SYNE1: variants seen among roughly 807,000 people sequenced by gnomAD.
The protein encoded by SYNE1 is spectrin repeat containing nuclear envelope protein 1.
SYNE1 carries 616 observed loss-of-function variants against 1,111.0 expected under a neutral mutation model. The observed-to-expected ratio is 0.55, with a 90% CI of 0.52 to 0.59. The LOEUF is 0.59. Among genes scored for constraint, SYNE1 ranks in the 20% least tolerant of loss-of-function variants. The pLI, the probability that SYNE1 is intolerant of heterozygous loss-of-function variation, is 0.00. For synonymous variants in SYNE1, 3,855 were observed against 3,825.8 expected (o/e 1.01, Z -0.28); for missense variants, 10,006 against 10,417.0 (o/e 0.96, Z 1.72).
rs1025523757 is a variant in SYNE1 at position 152,442,151 on chromosome 6, T to C, written c.3932A>G (p.His1311Arg). 4 of 1,613,952 alleles carry C rather than the reference T, an allele frequency of 2.5e-6. No homozygotes were observed. The African/African-American group carries it at 5.3e-5, about 22-fold the overall frequency. The change falls in exon 31 of 146, where the codon CAC becomes CGC. Residue 1311 changes from histidine (H) to arginine (R), a missense_variant. Physicochemically the swap from His to Arg is conservative, Grantham distance 29. Transcript: ENST00000367255. ...QGEGGLPDRGHEELRKLESTL... is the reference protein window; with the variant it reads ...QGEGGLPDRGREELRKLESTL... ...GCTCTCCAGCTTCCGCAGCTCCTCGTGGCCTCGGTCAGGCAGCCCCCCTTC... is the reference window on the plus strand; with the variant it reads ...GCTCTCCAGCTTCCGCAGCTCCTCGCGGCCTCGGTCAGGCAGCCCCCCTTC...
chr6:152,497,857 C>A (rs577299439), intron 11 of SYNE1, among the ~76,000 whole-genome samples: 79 of 152,270 alleles, frequency 5.2e-4, no homozygotes, highest in Non-Finnish European at 9.6e-4. Context: ...ACGTGGCAAC[C>A]TATTGCTTAT....
chr6:152,472,532 A>T (rs947567176), intron 14 of SYNE1, 119 bp from the exon 15 acceptor site: 5 of 922,776 alleles, frequency 5.4e-6, no homozygotes, highest in Non-Finnish European at 8.6e-6. Flanking sequence ...TCCCGCTGCC[A>T]CATTCAGAGG....
intron 3 of SYNE1, among the ~76,000 whole-genome samples, chr6:152,576,478 C>T (rs989642501): frequency 6.6e-6 from 1 of 152,140 alleles, no homozygotes. Flanking sequence ...TAAACCTACT[C>T]CTTTTGCCAC....
chr6:152,329,652 C>G (rs2096195738), intron 78 of SYNE1, 78 bp downstream of exon 78: 1 of 1,594,312 alleles, frequency 6.3e-7, no homozygotes, highest in African/African-American at 1.3e-5. Flanking sequence ...GCAATTATAA[C>G]CAAGCAAACG....
chr6:152,206,079 G>C lies in SYNE1; in HGVS notation c.23019+89C>G, dbSNP rs1387954913. On this transcript the variant is annotated intron_variant, in intron 126 of 145. Coordinates refer to ENST00000367255, the MANE Select transcript of SYNE1 (RefSeq NM_182961.4). ...TGCAGGGTATTATTTCATGATCTTT[G>C]CATTATTTGATTTGTAGAATAACAA... 7 of 1,243,800 alleles carry C rather than the reference G, an allele frequency of 5.6e-6. No individual in the cohort carries two copies. The African/African-American group carries it at 1.0e-4, about 18-fold the overall frequency. 77.0% of individuals were successfully genotyped at this position (1,243,800 alleles called of 1,614,324 possible). A position where few individuals can be genotyped will look rare whatever the true frequency, so the allele number is the denominator to read the frequency against.
In SYNE1 at chr6:152,231,553, G is replaced by A; in HGVS notation, c.20877C>T (p.Asp6959=). The A allele has an allele frequency of 6.2e-7, 1 of 1,613,846 alleles. No individual in the cohort carries two copies. The highest frequency in any genetic ancestry group is 8.5e-7 in the Non-Finnish European group (1 of 1,179,934). ...YLQKYKGFKI[D]INCKQLTVDF... ...CCACTGTCAGCTGTTTACAGTTAATGTCTATCTTAAAACCCTAAAAAAAAA... is the reference window on the plus strand; with the variant it reads ...CCACTGTCAGCTGTTTACAGTTAATATCTATCTTAAAACCCTAAAAAAAAA... Residue 6959 remains aspartate (D), a synonymous_variant, in exon 114 of 146, where the codon GAC becomes GAT. Transcript: ENST00000367255.
chr6:152,323,882 G>T, intron 81 of SYNE1, 145 bp from the exon 82 acceptor site: 1 of 904,968 alleles, frequency 1.1e-6, no homozygotes, highest in Non-Finnish European at 1.7e-6. Flanking sequence ...TGGAACCTGA[G>T]CAACCTTCTT....
Position 152,586,216 on chromosome 6 carries a change from A to G in SYNE1, c.67+42049T>C, listed in dbSNP as rs538567065. On this transcript the variant is annotated intron_variant, in intron 3 of 145. Coordinates refer to ENST00000367255, the MANE Select transcript of SYNE1 (RefSeq NM_182961.4). The stretch of plus-strand genomic sequence containing the variant: ...ATAATGTTTATTTTTCTGAATTAAT[A>G]TAATTATTTCTAACAATTCAAATTT... Among the ~76,000 whole-genome samples the G allele has an allele frequency of 9.8e-5, 15 of 152,298 alleles. No individual in the cohort carries two copies. In the South Asian group the frequency reaches 3.1e-3, roughly 32 times the overall value.
intron 4 of SYNE1, 89 bp from the exon 5 acceptor site, chr6:152,526,264 G>A (rs1372188032): frequency 4.4e-6 from 6 of 1,349,908 alleles, no homozygotes; most frequent in Non-Finnish European, 6.3e-6. Context: ...ACTTATGGTG[G>A]TGAAATTTGT....
intron 51 of SYNE1, 110 bp from the exon 52 acceptor site, chr6:152,391,678 C>G: frequency 8.0e-7 from 1 of 1,247,796 alleles, no homozygotes; most frequent in Non-Finnish European, 1.1e-6. Context: ...GACACAGGCT[C>G]ATAGCTGACA....
In SYNE1 at chr6:152,505,538, AG is replaced by A. The variant is rs2099053330; in HGVS notation, c.582-142del. 35 of 911,890 alleles carry A rather than the reference AG, an allele frequency of 3.8e-5. No homozygotes were observed. In the South Asian group the frequency reaches 5.2e-4, roughly 14 times the overall value. The allele number at this position is 911,890 out of a possible 1,614,324, so 56.5% of individuals were successfully genotyped here. ...AGTTCATTGTATTTGAGAAAAATTA[AG>A]GGAAACAAAATTTTTAGGGGGCAAC... On this transcript the variant is annotated intron_variant, in intron 8 of 145. Coordinates refer to ENST00000367255, the MANE Select transcript of SYNE1 (RefSeq NM_182961.4).
intron 12 of SYNE1, among the ~76,000 whole-genome samples, chr6:152,487,967 C>T (rs2098949906): frequency 6.6e-6 from 1 of 151,342 alleles, no homozygotes; most frequent in Non-Finnish European, 1.5e-5. Context: ...CCCAGCTACT[C>T]AGGAGGCTGA....
At chr6:152,180,575 T>C (rs542752166) in intron 128 of SYNE1, among the ~76,000 whole-genome samples, 2 of 144,240 alleles carry the variant, frequency 1.4e-5, no homozygotes, top group South Asian at 4.3e-4. Flanking sequence ...CCAGTGAATG[T>C]AAAAAAGAAA....
intron 128 of SYNE1, among the ~76,000 whole-genome samples, chr6:152,182,135 A>ATT (rs2068260847): frequency 6.6e-6 from 1 of 152,196 alleles, no homozygotes; most frequent in Non-Finnish European, 1.5e-5. Flanking sequence ...TTTCTTATAC[A>ATT]TTATATATAT....
At chr6:152,327,962 TAAG>T (rs10590245) in intron 78 of SYNE1, among the ~76,000 whole-genome samples, 89,381 of 151,674 alleles carry the variant, frequency 0.59, 26,448 homozygotes, top group Admixed American at 0.68. Context: ...GTCAGAATTT[TAAG>T]AAGTTTATTA....
chr6:152,385,909 C>A, intron 54 of SYNE1, 71 bp from the exon 55 acceptor site: 2 of 1,459,236 alleles, frequency 1.4e-6, no homozygotes, highest in Admixed American at 1.7e-5. Flanking sequence ...AGACAACAGG[C>A]CTGATAGAGG....
chr6:152,587,044 G>A (rs1418062725), intron 3 of SYNE1, among the ~76,000 whole-genome samples: 1 of 152,074 alleles, frequency 6.6e-6, no homozygotes, highest in Non-Finnish European at 1.5e-5. Flanking sequence ...GGGTTATTTT[G>A]GGACCATTTC....
chr6:152,521,031 C>T (rs1260985965), intron 5 of SYNE1, among the ~76,000 whole-genome samples: 1 of 152,158 alleles, frequency 6.6e-6, no homozygotes, highest in African/African-American at 2.4e-5. Flanking sequence ...ATTGAGGGCA[C>T]CCGTCATACT....
intron 32 of SYNE1, 97 bp from the exon 33 acceptor site, chr6:152,436,198 A>G: frequency 7.7e-7 from 1 of 1,291,480 alleles, no homozygotes; most frequent in Non-Finnish European, 1.1e-6. Flanking sequence ...AGATGGGTGG[A>G]TGAAGACATA....
Sources: allele counts gnomAD v4.1 joint callset (sites outside exome capture counted in the v4.1 genomes callset), GRCh38; gene constraint gnomAD v4.1.1; transcripts MANE v1.5; gene names NCBI Gene and HGNC (gene_info 2026-07-23, HGNC 2026-07-21).